The following DISP3 variants were observed in gnomAD, a reference collection of about 807,000 sequenced individuals.
The protein encoded by DISP3 is dispatched RND transporter family member 3.
In DISP3, 101 loss-of-function variants were observed where a neutral mutation model predicts 135.3. The observed-to-expected ratio is 0.75, with a 90% CI of 0.64 to 0.88. The LOEUF is 0.88. Ranked by LOEUF, DISP3 falls within the 40% of genes least tolerant of loss-of-function variation. The pLI is 0.00. For missense variants in DISP3, 1,713 were observed against 1,878.6 expected, an observed-to-expected ratio of 0.91 and a Z score of 1.63; for synonymous variants, 856 against 817.0, an observed-to-expected ratio of 1.05 and a Z score of -0.81.
intron 10 of DISP3, among the ~76,000 whole-genome samples, chr1:11,522,572 GGACCC>G (rs1642232582): frequency 2.7e-5 from 4 of 149,082 alleles, no homozygotes; most frequent in East Asian, 4.1e-4. Context: ...AGCCCAGCCA[GGACCC>G]AGCCAAGACC....
chr1:11,522,891 GGACCC>G (rs1467066208), intron 10 of DISP3, among the ~76,000 whole-genome samples: 28 of 120,074 alleles, frequency 2.3e-4, no homozygotes, highest in Admixed American at 4.0e-4. Context: ...AGCCCAGCCA[GGACCC>G]AGCCAGAGCC....
intron 3 of DISP3, among the ~76,000 whole-genome samples, chr1:11,512,076 C>T (rs1469908100): frequency 2.0e-5 from 3 of 152,152 alleles, no homozygotes; most frequent in African/African-American, 2.4e-5. Context: ...CTGGGCCTGA[C>T]CCATGAAACC....
At chr1:11,533,740 C>CACACGCACGCAT (rs1271364618) in intron 17 of DISP3, 1 of 716,570 alleles carries the variant, frequency 1.4e-6, no homozygotes, top group East Asian at 2.7e-5. Context: ...CACGCATGCA[C>CACACGCACGCAT]ACACACACGC....
At chr1:11,489,638 A>C (rs552483831) in intron 1 of DISP3, among the ~76,000 whole-genome samples, 1 of 152,256 alleles carries the variant, frequency 6.6e-6, no homozygotes, top group Non-Finnish European at 1.5e-5. Flanking sequence ...GAGGCAGAAG[A>C]TTTAGAGAGC....
intron 1 of DISP3, among the ~76,000 whole-genome samples, chr1:11,488,205 G>C (rs1359532539): frequency 2.0e-5 from 3 of 152,032 alleles, no homozygotes; most frequent in Non-Finnish European, 4.4e-5. Context: ...AGTTGGAGGG[G>C]GTCAGTACTT....
intron 10 of DISP3, 113 bp from the exon 11 acceptor site, chr1:11,523,829 C>T (rs919629366): frequency 2.6e-6 from 2 of 781,812 alleles, no homozygotes; most frequent in Admixed American, 2.7e-5. Context: ...CCTCCAGTCC[C>T]TGGGCCCCAG....
At position 11,515,355 on chromosome 1, in the gene DISP3, C is replaced by T. The variant is rs1410352543; in HGVS notation, c.1454-14C>T. 15 of 1,614,094 alleles carry T rather than the reference C, an allele frequency of 9.3e-6. No homozygotes were observed. The East Asian group carries it at 3.3e-4, about 36-fold the overall frequency. On this transcript the variant is annotated splice_polypyrimidine_tract_variant and intron_variant, in intron 4 of 20. Transcript: ENST00000294484. ...GTCCCCCCACCGTCTCCCTGTGTCT[C>T]TTACCCTGCCCAGTGTTCCTGTCCT...
In DISP3 at chr1:11,520,744, C is replaced by G. The variant is rs1434985577; in HGVS notation, c.2258C>G (p.Ala753Gly). The change falls in exon 10 of 21, where the codon GCC becomes GGC. Residue 753 changes from alanine (A) to glycine (G), a missense_variant. Transcript: ENST00000294484. The surrounding 1 kb of genome is among the most constrained non-coding windows in gnomAD (Gnocchi z 4.8). The part of the protein sequence containing the change: ...SLVFASRLRP[A>G]SRAPLLFRPD... ...GTGTTCGCCAGCCGGCTCCGCCCCG[C>G]CAGCCGGGCCCCGCTACTCTTCCGG... 2 of 1,613,458 alleles carry G rather than the reference C, an allele frequency of 1.2e-6. No individual in the cohort carries two copies. Among genetic ancestry groups the G allele is most frequent in the African/African-American group, 1.3e-5 (1 of 74,954 alleles).
rs977864314 is a variant in DISP3 at position 11,517,721 on chromosome 1, G to A, written c.1889+119G>A. 4.7e-5 allele frequency: 62 copies of A among 1,316,542 alleles called. 1 individual carries two copies. In the South Asian group the frequency reaches 8.5e-4, roughly 18 times the overall value. 81.6% of individuals were successfully genotyped at this position (1,316,542 alleles called of 1,614,324 possible). ...GTATGACCAGTCCTTTGCTAGGCAG[G>A]GAACAGGGAAGGAGAAGATGCTTCC... On this transcript the variant is annotated intron_variant, in intron 7 of 20. Coordinates refer to ENST00000294484, the MANE Select transcript of DISP3 (RefSeq NM_020780.2).
chr1:11,498,144 G>C (rs7537387), intron 1 of DISP3, among the ~76,000 whole-genome samples: 24,392 of 152,250 alleles, frequency 0.16, 2,296 homozygotes, highest in East Asian at 0.47. Context: ...TGCAATTGTT[G>C]CAGTTGCTAT....
chr1:11,515,901 C>A, intron 5 of DISP3, 100 bp from the exon 6 acceptor site: 2 of 1,374,774 alleles, frequency 1.5e-6, no homozygotes, highest in Non-Finnish European at 2.0e-6. Flanking sequence ...TGCAGCCTGA[C>A]CTCCCAGGAG....
At position 11,481,038 on chromosome 1, in the gene DISP3, T is replaced by TTCTCTCTC. The variant is rs368929945; in HGVS notation, c.-4+1685_-4+1692dup. 3.5e-3 allele frequency among the ~76,000 whole-genome samples: 456 copies of TTCTCTCTC among 129,818 alleles called. 4 individuals are homozygous for TTCTCTCTC. The highest frequency in any genetic ancestry group is 0.012 in the South Asian group (46 of 3,858). 85.2% of individuals were successfully genotyped at this position (129,818 alleles called of 152,430 possible). ...CCCTGCTCTGTTCCCTCCCCCAGGT[T>TTCTCTCTC]TCTCTCTCTCTCTCTCTCTCTCTCT... On this transcript the variant is annotated intron_variant, in intron 1 of 20. Coordinates refer to ENST00000294484, the MANE Select transcript of DISP3 (RefSeq NM_020780.2).
intron 1 of DISP3, among the ~76,000 whole-genome samples, chr1:11,493,530 C>G (rs1388367935): frequency 6.6e-6 from 1 of 152,078 alleles, no homozygotes; most frequent in African/African-American, 2.4e-5. Context: ...TCAAGACCAG[C>G]CTGGCCAACA....
intron 10 of DISP3, among the ~76,000 whole-genome samples, chr1:11,523,671 G>A: frequency 6.6e-6 from 1 of 151,902 alleles, no homozygotes; most frequent in Non-Finnish European, 1.5e-5. Flanking sequence ...GGGGCAGAGT[G>A]GCACAGAGAG....
rs779374235 is a variant in DISP3, at chr1:11,519,473, A to T, written c.2008A>T (p.Ile670Phe). 1.1e-5 allele frequency: 18 copies of T among 1,613,586 alleles called. No individual in the cohort carries two copies. Among genetic ancestry groups the T allele is most frequent in the Non-Finnish European group, 1.4e-5 (17 of 1,180,018 alleles). The stretch of plus-strand genomic sequence containing the variant: ...CCCCATACCCTACCTGGATGATGAC[A>T]TCCCCTTGCTGGAGGTCGAGGAAGA... ...QGPIPYLDDD[I>F]PLLEVEEEPV... The change falls in exon 8 of 21, where the codon ATC (isoleucine) becomes TTC (phenylalanine). Residue 670 changes from isoleucine to phenylalanine, a missense_variant. By Grantham distance (21) the Ile-to-Phe change is conservative. This residue lies in a region of DISP3 where 1,142 missense variants were observed against 1,384.6 expected (regional missense o/e 0.82). Coordinates refer to ENST00000294484, the MANE Select transcript of DISP3 (RefSeq NM_020780.2). This position sits in a 1 kb window ranked among gnomAD's most constrained non-coding sequence, Gnocchi z 4.3.
Position 11,536,245 on chromosome 1 carries a change from G to A in DISP3, c.3817-79G>A, listed in dbSNP as rs1642702795. 2.0e-6 allele frequency: 3 copies of A among 1,511,754 alleles called. No individual in the cohort carries two copies. The highest frequency in any genetic ancestry group is 1.4e-5 in the African/African-American group (1 of 72,574). 93.6% of individuals were successfully genotyped at this position (1,511,754 alleles called of 1,614,324 possible). On this transcript the variant is annotated intron_variant, in intron 20 of 20. Coordinates refer to ENST00000294484, the MANE Select transcript of DISP3 (RefSeq NM_020780.2). The surrounding 1 kb of genome is among the most constrained non-coding windows in gnomAD (Gnocchi z 4.3). ...ACAGAGCAGGAACCTGGCGTGGGGT[G>A]GGGGTGCGTGATTCCCCAGGTGCTG...
chr1:11,534,373 C>T lies in DISP3; in HGVS notation c.3376-8C>T. 1 of 1,614,164 alleles carries T rather than the reference C, an allele frequency of 6.2e-7. No individual in the cohort carries two copies. The highest frequency in any genetic ancestry group is 8.5e-7 in the Non-Finnish European group (1 of 1,179,990). On this transcript the variant is annotated splice_polypyrimidine_tract_variant and splice_region_variant and intron_variant, in intron 17 of 20. Coordinates refer to ENST00000294484, the MANE Select transcript of DISP3 (RefSeq NM_020780.2). Reference sequence around the variant, plus strand: ...GCCTGTCTCACTAGCTCACATCTCTCCCCACAGACCACGTACAAGGGCAAA... The same window carrying T: ...GCCTGTCTCACTAGCTCACATCTCTTCCCACAGACCACGTACAAGGGCAAA...
At position 11,525,324 on chromosome 1, in the gene DISP3, C is replaced by G. The variant is rs1263976315; in HGVS notation, c.2613+12C>G. 6.2e-7 allele frequency: 1 copy of G among 1,610,716 alleles called. No homozygotes were observed. Among genetic ancestry groups the G allele is most frequent in the Non-Finnish European group, 8.5e-7 (1 of 1,177,794 alleles). The stretch of plus-strand genomic sequence containing the variant: ...TGCCCTCCTTCCAGGTGAGCCTGGG[C>G]TGTCGTGAAGTGAGCCGCCACCACT... On this transcript the variant is annotated intron_variant, in intron 12 of 20. Coordinates refer to ENST00000294484, the MANE Select transcript of DISP3 (RefSeq NM_020780.2).
rs1339755497 is a variant in DISP3 at position 11,491,289 on chromosome 1, A to T, written c.-3-9701A>T. 1.3e-5 allele frequency among the ~76,000 whole-genome samples: 2 copies of T among 152,206 alleles called. No homozygotes were observed. The highest frequency in any genetic ancestry group is 4.8e-5 in the African/African-American group (2 of 41,436). ...ATGCTTCTGGACCGCCTGTATCAGA[A>T]TCACCTGGGGAGGTGGTTTAAATAC... On this transcript the variant is annotated intron_variant, in intron 1 of 20. Transcript: ENST00000294484. This position sits in a 1 kb window ranked among gnomAD's most constrained non-coding sequence, Gnocchi z 4.3.
Sources: gnomAD v4.1 joint callset for allele counts (sites outside exome capture counted in the v4.1 genomes callset) on GRCh38, gnomAD v4.1.1 for gene constraint, gnomAD v4.1.1 regional missense constraint, Gnocchi (gnomAD v3.1) non-coding constraint, MANE v1.5 for transcripts, NCBI Gene and HGNC (gene_info 2026-07-23, HGNC 2026-07-21) for gene names.